Variants in GNPTAB observed in about 807,000 individuals in gnomAD.
GNPTAB encodes N-acetylglucosamine-1-phosphate transferase subunits alpha and beta.
GNPTAB carries 92 observed loss-of-function variants against 136.6 expected under a neutral mutation model. The observed-to-expected ratio is 0.67, with a 90% confidence interval of 0.57 to 0.80. The LOEUF is 0.80. Among genes scored for constraint, GNPTAB ranks in the 30% least tolerant of loss-of-function variants. The pLI is 0.00. For synonymous variants in GNPTAB, 512 were observed against 535.1 expected, an observed-to-expected ratio of 0.96 and a Z score of 0.60; for missense variants, 1,343 against 1,501.8, an observed-to-expected ratio of 0.89 and a Z score of 1.75.
At chr12:101,798,764 C>T (rs1010642597) in intron 1 of GNPTAB, among the ~76,000 whole-genome samples, 11 of 152,172 alleles carry the variant, frequency 7.2e-5, no homozygotes, top group African/African-American at 2.2e-4. Context: ...ATTATCTCCA[C>T]GTGAGCAGTT....
intron 7 of GNPTAB, among the ~76,000 whole-genome samples, chr12:101,771,703 G>A (rs1953179235): frequency 6.6e-6 from 1 of 152,230 alleles, no homozygotes; most frequent in Admixed American, 6.5e-5. Flanking sequence ...AGCCATCTGA[G>A]AGCTGCAACC....
intron 18 of GNPTAB, chr12:101,756,482 G>A (rs1952902088): frequency 2.5e-6 from 1 of 397,724 alleles, no homozygotes; most frequent in Non-Finnish European, 5.0e-6. Context: ...GCTGAGGTGG[G>A]AGGATTGCTT....
intron 18 of GNPTAB, among the ~76,000 whole-genome samples, chr12:101,755,975 C>T (rs1952895246): frequency 6.6e-6 from 1 of 152,170 alleles, no homozygotes; most frequent in African/African-American, 2.4e-5. Flanking sequence ...CACATTATTA[C>T]TACACATGAC....
At chr12:101,769,079 T>G (rs1193512421) in intron 10 of GNPTAB, among the ~76,000 whole-genome samples, 1 of 152,226 alleles carries the variant, frequency 6.6e-6, no homozygotes, top group East Asian at 1.9e-4. Flanking sequence ...AAAGTAGTTT[T>G]GTGTTATTAG....
intron 19 of GNPTAB, among the ~76,000 whole-genome samples, chr12:101,752,355 G>A: frequency 6.6e-6 from 1 of 152,218 alleles, no homozygotes; most frequent in East Asian, 1.9e-4. Context: ...AACCCAGGAG[G>A]TGGAGGTTGC....
At chr12:101,752,832 A>T (rs79706977) in intron 19 of GNPTAB, among the ~76,000 whole-genome samples, 1,826 of 152,370 alleles carry the variant, frequency 0.012, 26 homozygotes, top group African/African-American at 0.042. Flanking sequence ...TTCCAACTAG[A>T]CTGAAAGAAC....
intron 15 of GNPTAB, 51 bp from the exon 16 acceptor site, chr12:101,760,194 T>C: frequency 8.8e-7 from 1 of 1,134,124 alleles, no homozygotes; most frequent in Non-Finnish European, 1.3e-6. Context: ...AAGTAATGAC[T>C]GTGGTTTTAA....
chr12:101,782,409 G>C (rs1441012021), intron 5 of GNPTAB, among the ~76,000 whole-genome samples: 2 of 151,896 alleles, frequency 1.3e-5, no homozygotes, highest in East Asian at 3.9e-4. Flanking sequence ...CTTTTAAACA[G>C]AAGTAAAGTA....
At chr12:101,769,901 G>T in intron 10 of GNPTAB, 120 bp downstream of exon 10, 1 of 1,017,358 alleles carries the variant, frequency 9.8e-7, no homozygotes, top group Non-Finnish European at 1.5e-6. Context: ...AAAGTACTGG[G>T]ATTACAGGTG....
At chr12:101,799,462 C>T (rs893711131) in intron 1 of GNPTAB, among the ~76,000 whole-genome samples, 1 of 152,086 alleles carries the variant, frequency 6.6e-6, no homozygotes, top group Non-Finnish European at 1.5e-5. Context: ...AAAAATGTGA[C>T]AAAGAACATT....
At position 101,791,699 on chromosome 12, in the gene GNPTAB, T is replaced by G. The variant is rs1044780422; in HGVS notation, c.204-1642A>C. ...AAAGCATACCCTCCTTTTGTCCTCC[T>G]CACAGCCCAGGCACAGCCTAGACTT... On this transcript the variant is annotated intron_variant, in intron 2 of 20. Transcript: ENST00000299314. Among the ~76,000 whole-genome samples the G allele has an allele frequency of 3.3e-5, 5 of 152,338 alleles. 1 individual carries two copies. Among genetic ancestry groups the G allele is most frequent in the Middle Eastern group, 3.4e-3 (1 of 294 alleles).
At chr12:101,752,654 T>C (rs1212802204) in intron 19 of GNPTAB, among the ~76,000 whole-genome samples, 1 of 152,214 alleles carries the variant, frequency 6.6e-6, no homozygotes, top group African/African-American at 2.4e-5. Flanking sequence ...TTGCTCATTG[T>C]TCCCTTCTCA....
intron 1 of GNPTAB, among the ~76,000 whole-genome samples, chr12:101,827,752 G>A (rs989628148): frequency 2.6e-5 from 4 of 152,100 alleles, no homozygotes; most frequent in African/African-American, 9.7e-5. Context: ...ATCACCTAAG[G>A]TCCAGAGTTT....
rs281864984 is a variant in GNPTAB, at chr12:101,764,951, TG to T, written c.1965del (p.Ile656Ter). 6.2e-7 allele frequency: 1 copy of T among 1,614,242 alleles called. No individual in the cohort carries two copies. Among genetic ancestry groups the T allele is most frequent in the Non-Finnish European group, 8.5e-7 (1 of 1,180,032 alleles). On this transcript the variant is annotated frameshift_variant, in exon 13 of 21. Transcript: ENST00000299314. LOFTEE classifies it high-confidence loss of function. ...AQKGYENLVSPITLLPEAEIL... is the reference protein window; with the variant it reads ...AQKGYENLVSXITLLPEAEIL... ...ATTTCCGCCTCTGGAAGAAGTGTTA[TG>T]GGACTAACTAAATTTTCGTAACCCT...
intron 1 of GNPTAB, among the ~76,000 whole-genome samples, chr12:101,814,179 G>T (rs74340245): frequency 0.01 from 1,526 of 151,876 alleles, 29 homozygotes; most frequent in African/African-American, 0.035. Flanking sequence ...TGAGCCTGTA[G>T]TCCCAGCTAC....
intron 3 of GNPTAB, 78 bp from the exon 4 acceptor site, chr12:101,788,667 G>C (rs117791854): frequency 1.3e-6 from 1 of 798,256 alleles, no homozygotes; most frequent in East Asian, 2.5e-5. Flanking sequence ...GGTTTGCTTA[G>C]AGCATAAACT....
In GNPTAB at chr12:101,765,176, T is replaced by C; in HGVS notation, c.1741A>G (p.Ser581Gly). ...GCATGTCGAATTATTGGATTGTCACTATAGGCACCTTCAACTCCTCTTTTG... is the reference window on the plus strand; with the variant it reads ...GCATGTCGAATTATTGGATTGTCACCATAGGCACCTTCAACTCCTCTTTTG... The part of the protein sequence containing the change: ...VAKRGVEGAY[S>G]DNPIIRHASI... The change falls in exon 13 of 21, where the codon AGT (serine) becomes GGT (glycine). Residue 581 changes from serine (S) to glycine (G), a missense_variant. Transcript: ENST00000299314. 6.2e-7 allele frequency: 1 copy of C among 1,614,182 alleles called. No homozygotes were observed. The highest frequency in any genetic ancestry group is 1.7e-5 in the Admixed American group (1 of 60,024).
chr12:101,809,745 GGAA>G (rs976860150), intron 1 of GNPTAB, among the ~76,000 whole-genome samples: 5 of 152,194 alleles, frequency 3.3e-5, no homozygotes, highest in African/African-American at 4.8e-5. Context: ...CCAGTGGGGA[GGAA>G]GGAGAAGATG....
intron 19 of GNPTAB, among the ~76,000 whole-genome samples, chr12:101,750,014 G>A (rs1209416143): frequency 6.6e-6 from 1 of 152,182 alleles, no homozygotes; most frequent in Non-Finnish European, 1.5e-5. Flanking sequence ...AGGAAGGCAG[G>A]CAGTTTAGTT....
Sources: gnomAD v4.1 joint callset for allele counts (sites outside exome capture counted in the v4.1 genomes callset) on GRCh38, gnomAD v4.1.1 for gene constraint, MANE v1.5 for transcripts, NCBI Gene and HGNC (gene_info 2026-07-23, HGNC 2026-07-21) for gene names.